The following SIGLEC1 variants were observed in gnomAD, a reference collection of about 807,000 sequenced individuals.
The protein encoded by SIGLEC1 is sialoadhesin.
SIGLEC1 carries 132 observed loss-of-function variants against 148.0 expected under a neutral mutation model. That is an observed-to-expected ratio of 0.89 (90% confidence interval 0.77 to 1.03). SIGLEC1 has a LOEUF of 1.03. Ranked by LOEUF, SIGLEC1 falls within the 50% of genes least tolerant of loss-of-function variation. The pLI, the probability that SIGLEC1 is intolerant of heterozygous loss-of-function variation, is 0.00. For missense variants in SIGLEC1, 2,253 were observed against 2,271.4 expected, an observed-to-expected ratio of 0.99 and a Z score of 0.16; for synonymous variants, 945 against 969.0, an observed-to-expected ratio of 0.98 and a Z score of 0.46.
At position 3,694,565 on chromosome 20, in the gene SIGLEC1, CA is replaced by C. The variant is rs550171740; in HGVS notation, c.2945-34del. Reference sequence around the variant, plus strand: ...GGGTGGGGAGTGGTCAGGACCCAGCCAGGGGGGTCCCTCATCCAGGGCTCTG... The same window carrying C: ...GGGTGGGGAGTGGTCAGGACCCAGCCGGGGGGTCCCTCATCCAGGGCTCTG... On this transcript the variant is annotated intron_variant, in intron 12 of 21. Transcript: ENST00000344754. 3.9e-5 allele frequency: 60 copies of C among 1,556,148 alleles called. No homozygotes were observed. In the African/African-American group the frequency reaches 6.8e-4, roughly 18 times the overall value.
Position 3,688,662 on chromosome 20 carries a change from C to T in SIGLEC1, c.5071-43G>A, listed in dbSNP as rs767182307. Reference sequence around the variant, plus strand: ...CCTGGTCACAGGAGGCCTCTGGGAGCCAGGGCAGGCCCCCAGGCCCCCAGC... The same window carrying T: ...CCTGGTCACAGGAGGCCTCTGGGAGTCAGGGCAGGCCCCCAGGCCCCCAGC... On this transcript the variant is annotated intron_variant, in intron 21 of 21. Coordinates refer to ENST00000344754, the MANE Select transcript of SIGLEC1 (RefSeq NM_023068.4). 3.5e-5 allele frequency: 53 copies of T among 1,497,502 alleles called. 1 individual carries two copies. In the Middle Eastern group the frequency reaches 5.4e-4, roughly 15 times the overall value. The allele number at this position is 1,497,502 out of a possible 1,614,324, so 92.8% of individuals were successfully genotyped here. A position where few individuals can be genotyped will look rare whatever the true frequency, so the allele number is the denominator to read the frequency against.
chr20:3,697,523 T>G (rs986584598), intron 9 of SIGLEC1, among the ~76,000 whole-genome samples, 181 bp from the exon 10 acceptor site: 4 of 152,048 alleles, frequency 2.6e-5, no homozygotes, highest in African/African-American at 9.7e-5. Context: ...GTGGGGGCCC[T>G]GGGCAGAGAG....
Position 3,690,824 on chromosome 20 carries a change from C to CTTTTTTTTTTTTTTTTTT in SIGLEC1, c.4591+515_4591+516insAAAAAAAAAAAAAAAAAA, listed in dbSNP as rs200631809. ...TTCTTTTGGTTTTTTCTCTTCTTTTCTTTTCTTTTTTTTTTTTTTTTCTTG... is the reference window on the plus strand; with the variant it reads ...TTCTTTTGGTTTTTTCTCTTCTTTTCTTTTTTTTTTTTTTTTTTTTTTCTTTTTTTTTTTTTTTTCTTG... On this transcript the variant is annotated intron_variant, in intron 18 of 21. Coordinates refer to ENST00000344754, the MANE Select transcript of SIGLEC1 (RefSeq NM_023068.4). Among the ~76,000 whole-genome samples, 74 of 126,854 alleles carry CTTTTTTTTTTTTTTTTTT rather than the reference C, an allele frequency of 5.8e-4. 5 individuals are homozygous for CTTTTTTTTTTTTTTTTTT. The highest frequency in any genetic ancestry group is 2.3e-3 in the African/African-American group (70 of 29,892). The allele number at this position is 126,854 out of a possible 152,430, so 83.2% of individuals were successfully genotyped here. A position where few individuals can be genotyped will look rare whatever the true frequency, so the allele number is the denominator to read the frequency against.
chr20:3,705,144 A>C (rs999245562), intron 4 of SIGLEC1, among the ~76,000 whole-genome samples: 1 of 152,124 alleles, frequency 6.6e-6, no homozygotes, highest in Non-Finnish European at 1.5e-5. Context: ...TTACAGGCAT[A>C]TGCCACCACA....
In SIGLEC1 at chr20:3,698,132, G is replaced by C. The variant is rs763696268; in HGVS notation, c.1788C>G (p.Tyr596Ter). 4 of 1,587,156 alleles carry C rather than the reference G, an allele frequency of 2.5e-6. No homozygotes were observed. Among genetic ancestry groups the C allele is most frequent in the African/African-American group, 2.7e-5 (2 of 73,642 alleles). The change falls in exon 9 of 22, where the codon TAC becomes TAG. Residue 596 changes from tyrosine (Y) to a stop codon, truncating the protein, a stop_gained and splice_region_variant. Transcript: ENST00000344754. LOFTEE classifies it high-confidence loss of function. ...PSSPAVLTVLYPPRQPTFTTR... is the reference protein window; with the variant it reads ...PSSPAVLTVL ...TGGTGAATGTTGGTTGTCGAGGGGG[G>C]TCTGCAGGGAGGAAGAACATGGGCA...
At chr20:3,691,844 C>T in intron 17 of SIGLEC1, 59 bp downstream of exon 17, 1 of 1,519,544 alleles carries the variant, frequency 6.6e-7, no homozygotes, top group Non-Finnish European at 8.9e-7. Flanking sequence ...TCCAGCCCCT[C>T]TCGTGGACTT....
At chr20:3,705,618 G>T in intron 4 of SIGLEC1, 126 bp downstream of exon 4, 1 of 1,013,910 alleles carries the variant, frequency 9.9e-7, no homozygotes, top group Non-Finnish European at 1.5e-6. Context: ...CTACCCTGGA[G>T]GCCCAGGAGC....
chr20:3,710,590 G>A lies in SIGLEC1; in HGVS notation c.-110+1880C>T, dbSNP rs552079124. On this transcript the variant is annotated intron_variant, in intron 1 of 21. Coordinates refer to ENST00000344754, the MANE Select transcript of SIGLEC1 (RefSeq NM_023068.4). The surrounding 1 kb of genome is among the most constrained non-coding windows in gnomAD (Gnocchi z 4.6). ...ACCTCACCGTGAAGAAAAGCAGCCT[G>A]CTGGGCACACTGGGGGTCAGATGTG... Among the ~76,000 whole-genome samples, 4 of 152,220 alleles carry A rather than the reference G, an allele frequency of 2.6e-5. No homozygotes were observed. Among genetic ancestry groups the A allele is most frequent in the South Asian group, 2.1e-4 (1 of 4,830 alleles).
At chr20:3,699,099 G>A (rs1191413136) in intron 8 of SIGLEC1, 103 bp downstream of exon 8, 34 of 1,379,250 alleles carry the variant, frequency 2.5e-5, no homozygotes, top group Non-Finnish European at 2.7e-5. Context: ...CAGCCCTCCC[G>A]ATATAGACCG....
Position 3,692,981 on chromosome 20 carries a change from A to T in SIGLEC1, c.3659T>A (p.Val1220Asp). Reference protein sequence around the residue: ...RLLASSTAASVPNTLRLELRG... With the variant: ...RLLASSTAASDPNTLRLELRG... ...CAGCTCCAGGCGCAGGGTGTTGGGG[A>T]CAGAGGCTGCTGTCGAGGAGGCCAA... The change falls in exon 15 of 22, where the codon GTC becomes GAC. Residue 1220 changes from valine (V) to aspartate (D), a missense_variant. Transcript: ENST00000344754. The T allele has an allele frequency of 6.2e-7, 1 of 1,612,484 alleles. No individual in the cohort carries two copies. Among genetic ancestry groups the T allele is most frequent in the Non-Finnish European group, 8.5e-7 (1 of 1,179,840 alleles).
chr20:3,698,859 C>T (rs1418479342), intron 8 of SIGLEC1, among the ~76,000 whole-genome samples: 1 of 152,184 alleles, frequency 6.6e-6, no homozygotes, highest in Non-Finnish European at 1.5e-5. Context: ...CTATGGGAGC[C>T]CAGCACAGCC....
In SIGLEC1 at chr20:3,706,481, T is replaced by C. The variant is rs1378016020; in HGVS notation, c.275A>G (p.Asn92Ser). Reference protein sequence around the residue: ...RFRGRTEFMGNPEHRVCNLLL... With the variant: ...RFRGRTEFMGSPEHRVCNLLL... ...CAGGTTGCACACCCTGTGCTCGGGG[T>C]TCCCCATGAACTCGGTGCGGCCGCG... Residue 92 changes from asparagine to serine, a missense_variant, in exon 3 of 22, where the codon AAC becomes AGC. By Grantham distance (46) the Asn-to-Ser change is conservative. Coordinates refer to ENST00000344754, the MANE Select transcript of SIGLEC1 (RefSeq NM_023068.4). The C allele has an allele frequency of 1.2e-6, 2 of 1,613,752 alleles. No homozygotes were observed. Among genetic ancestry groups the C allele is most frequent in the South Asian group, 1.1e-5 (1 of 91,094 alleles).
chr20:3,696,943 G>T, intron 10 of SIGLEC1, 55 bp from the exon 11 acceptor site: 1 of 1,533,102 alleles, frequency 6.5e-7, no homozygotes, highest in Admixed American at 1.9e-5. Context: ...CATTACAACT[G>T]CCACACTATG....
At chr20:3,691,872 A>G in intron 17 of SIGLEC1, 31 bp downstream of exon 17, 1 of 1,546,224 alleles carries the variant, frequency 6.5e-7, no homozygotes, top group Admixed American at 1.8e-5. Flanking sequence ...AGAGCATCAG[A>G]GCCCCTCCTC....
At chr20:3,699,110 T>TGGGGC in intron 8 of SIGLEC1, 92 bp downstream of exon 8, 1 of 1,441,814 alleles carries the variant, frequency 6.9e-7, no homozygotes. Flanking sequence ...ATATAGACCG[T>TGGGGC]GGGGCAGGGC....
At chr20:3,706,961 T>C (rs1029127122) in intron 2 of SIGLEC1, 119 bp downstream of exon 2, 12 of 1,199,792 alleles carry the variant, frequency 1.0e-5, no homozygotes, top group African/African-American at 4.5e-5. Context: ...CACTGCCCGA[T>C]TGGGCCCTCC....
chr20:3,692,605 G>A lies in SIGLEC1; in HGVS notation c.3946C>T (p.Arg1316Trp), dbSNP rs563135029. 3.1e-5 allele frequency: 50 copies of A among 1,612,738 alleles called. No individual in the cohort carries two copies. Among genetic ancestry groups the A allele is most frequent in the African/African-American group, 1.2e-4 (9 of 75,070 alleles). The change falls in exon 16 of 22, where the codon CGG becomes TGG. Residue 1316 changes from arginine (R) to tryptophan (W), a missense_variant. Arg to Trp is a moderately radical substitution (Grantham distance 101). Transcript: ENST00000344754. ...AASLSFLVAT[R>W]AHAGAYSCQA... The stretch of plus-strand genomic sequence containing the variant: ...CAAGAGTAGGCGCCTGCATGAGCCC[G>A]CGTGGCCACCAGGAATGAGAGTGAG...
At chr20:3,703,146 A>T (rs1251225279) in intron 6 of SIGLEC1, 51 bp downstream of exon 6, 3 of 1,609,860 alleles carry the variant, frequency 1.9e-6, no homozygotes, top group Non-Finnish European at 2.5e-6. Flanking sequence ...GGGCTCCACC[A>T]TCTGGTCCTG....
chr20:3,690,829 C>T (rs6139179), intron 18 of SIGLEC1, among the ~76,000 whole-genome samples: 20,132 of 116,442 alleles, frequency 0.17, 2,023 homozygotes, highest in East Asian at 0.38. Context: ...CTTTTCTTTT[C>T]TTTTTTTTTT....
Sources: gnomAD v4.1 joint callset for allele counts (sites outside exome capture counted in the v4.1 genomes callset) on GRCh38, gnomAD v4.1.1 for gene constraint, Gnocchi (gnomAD v3.1) non-coding constraint, MANE v1.5 for transcripts, NCBI Gene and HGNC (gene_info 2026-07-23, HGNC 2026-07-21) for gene names.